The following GLIS3 variants were observed in gnomAD, a reference collection of about 807,000 sequenced individuals.
GLIS3 encodes the protein zinc finger protein GLIS3.
In GLIS3, 53 loss-of-function variants were observed where a neutral mutation model predicts 78.6. The observed-to-expected ratio is 0.67, with a 90% CI of 0.54 to 0.85. The LOEUF is 0.85. GLIS3 is among the 40% of genes least tolerant of loss of function. The pLI is 0.00. For missense variants in GLIS3, 1,703 were observed against 1,231.1 expected, an observed-to-expected ratio of 1.38 and a Z score of -5.74; for synonymous variants, 684 against 509.9, an observed-to-expected ratio of 1.34 and a Z score of -4.60.
the GLIS3 span, among the ~76,000 whole-genome samples, chr9:4,397,024 CT>C: frequency 0.041 from 5,010 of 121,190 alleles, 242 homozygotes; most frequent in East Asian, 0.26. Context: ...TTCTTTTTTT[CT>C]TTTTTTTTTT....
At chr9:3,913,200 C>A (rs1270728681) in intron 6 of GLIS3, among the ~76,000 whole-genome samples, 1 of 152,136 alleles carries the variant, frequency 6.6e-6, no homozygotes, top group African/African-American at 2.4e-5. Context: ...TTAATTAAAA[C>A]AGATTGAGTG....
chr9:3,908,706 G>GTATTTGT (rs2094873058), intron 6 of GLIS3, among the ~76,000 whole-genome samples: 2 of 85,554 alleles, frequency 2.3e-5, no homozygotes, highest in Non-Finnish European at 4.1e-5. Context: ...ATTTGTATTT[G>GTATTTGT]TTTTTTTTTT....
chr9:4,469,200 C>G, the GLIS3 span, among the ~76,000 whole-genome samples: 1 of 152,074 alleles, frequency 6.6e-6, no homozygotes, highest in African/African-American at 2.4e-5. Flanking sequence ...GACTTTAACA[C>G]CCCACTGTCA....
intron 4 of GLIS3, among the ~76,000 whole-genome samples, chr9:4,027,685 T>G (rs978065535): frequency 6.6e-6 from 1 of 152,230 alleles, no homozygotes; most frequent in Non-Finnish European, 1.5e-5. Flanking sequence ...AAGCTCATAC[T>G]GAAATCATTT....
At chr9:4,398,242 TAAG>T in the GLIS3 span, among the ~76,000 whole-genome samples, 1 of 151,902 alleles carries the variant, frequency 6.6e-6, no homozygotes, top group African/African-American at 2.4e-5. Context: ...CATTACACAA[TAAG>T]AAGTAGCATA....
chr9:4,003,847 T>G (rs1821323167), intron 4 of GLIS3, among the ~76,000 whole-genome samples: 1 of 152,250 alleles, frequency 6.6e-6, no homozygotes. Context: ...TCTTTGGTGC[T>G]TGTATCATGG....
intron 6 of GLIS3, among the ~76,000 whole-genome samples, chr9:3,929,274 G>A (rs971808801): frequency 2.6e-5 from 4 of 152,180 alleles, no homozygotes; most frequent in Non-Finnish European, 4.4e-5. Context: ...CAGGAATTAT[G>A]CAAAGAGAAA....
chr9:3,982,869 A>AC (rs1325033353), intron 4 of GLIS3, among the ~76,000 whole-genome samples: 1 of 152,220 alleles, frequency 6.6e-6, no homozygotes, highest in Non-Finnish European at 1.5e-5. Context: ...GGCCTAAGTC[A>AC]CCATAGGGTC....
chr9:4,151,474 G>C (rs1834673490), intron 2 of GLIS3, among the ~76,000 whole-genome samples: 1 of 152,192 alleles, frequency 6.6e-6, no homozygotes, highest in South Asian at 2.1e-4. Flanking sequence ...CAAGCACCTT[G>C]CTTAGAAAGG....
At position 3,894,390 on chromosome 9, in the gene GLIS3, T is replaced by C. The variant is rs1037444403; in HGVS notation, c.2128+4301A>G. ...TGAGAACAGACTATATGAAGCACTT[T>C]TACAGAAAATTATTTCTAACACAAC... On this transcript the variant is annotated intron_variant, in intron 7 of 10. Transcript: ENST00000381971. Among the ~76,000 whole-genome samples, 4 of 152,198 alleles carry C rather than the reference T, an allele frequency of 2.6e-5. No homozygotes were observed. In the East Asian group the frequency reaches 7.7e-4, roughly 29 times the overall value.
intron 2 of GLIS3, among the ~76,000 whole-genome samples, chr9:4,234,306 T>G (rs1014398268): frequency 6.6e-6 from 1 of 152,218 alleles, no homozygotes; most frequent in Non-Finnish European, 1.5e-5. Context: ...GTGAGATATG[T>G]GCGACTCCTC....
the GLIS3 span, among the ~76,000 whole-genome samples, chr9:4,353,685 C>G: frequency 6.6e-6 from 1 of 152,154 alleles, no homozygotes; most frequent in African/African-American, 2.4e-5. Context: ...CGAGATAGAG[C>G]CAGATCCCTC....
chr9:4,351,562 G>C (rs1441780661), upstream of GLIS3, among the ~76,000 whole-genome samples: 1 of 152,088 alleles, frequency 6.6e-6, no homozygotes, highest in East Asian at 1.9e-4. Context: ...AGTTGAAAAG[G>C]AATTTTCCAT....
At chr9:4,128,606 C>G (rs1423505735) in intron 2 of GLIS3, among the ~76,000 whole-genome samples, 3 of 152,190 alleles carry the variant, frequency 2.0e-5, no homozygotes, top group Middle Eastern at 6.8e-3. Flanking sequence ...TTTCAAAAAG[C>G]AGAAACAAAA....
At chr9:4,405,903 G>T in the GLIS3 span, among the ~76,000 whole-genome samples, 1 of 152,120 alleles carries the variant, frequency 6.6e-6, no homozygotes, top group Non-Finnish European at 1.5e-5. Flanking sequence ...AGGGATGCAA[G>T]GATGGTTCAA....
chr9:4,260,045 G>A (rs1587193499), intron 2 of GLIS3, among the ~76,000 whole-genome samples: 1 of 152,104 alleles, frequency 6.6e-6, no homozygotes, highest in Non-Finnish European at 1.5e-5. Flanking sequence ...AGAGAATTAG[G>A]TGGTTCTATA....
intron 2 of GLIS3, among the ~76,000 whole-genome samples, chr9:4,190,952 G>A (rs1394447115): frequency 6.6e-6 from 1 of 151,980 alleles, no homozygotes; most frequent in Non-Finnish European, 1.5e-5. Context: ...AAGTGAAGGA[G>A]AAATAAAATA....
intron 2 of GLIS3, among the ~76,000 whole-genome samples, chr9:4,194,578 C>G (rs142591271): frequency 6.8e-4 from 103 of 152,296 alleles, no homozygotes; most frequent in African/African-American, 2.4e-3. Flanking sequence ...AAGATGAACT[C>G]TGTGAGCTTT....
chr9:4,008,472 TACTA>T (rs1821735457), intron 4 of GLIS3, among the ~76,000 whole-genome samples: 3 of 152,182 alleles, frequency 2.0e-5, no homozygotes, highest in Admixed American at 6.5e-5. Context: ...ATCCAGCCCC[TACTA>T]AGACCCCTAG....
Sources: allele counts gnomAD v4.1 joint callset (sites outside exome capture counted in the v4.1 genomes callset), GRCh38; gene constraint gnomAD v4.1.1; transcripts MANE v1.5; gene names NCBI Gene and HGNC (gene_info 2026-07-23, HGNC 2026-07-21).